The following SLC49A4 variants were observed in gnomAD, a reference collection of about 807,000 sequenced individuals.
SLC49A4 encodes disrupted in renal cancer protein 2.
Under a neutral mutation model 50.6 loss-of-function variants are expected in SLC49A4, and 36 were observed. The ratio of observed to expected loss-of-function variants is 0.71; its 90% confidence interval spans 0.55 to 0.94. SLC49A4 has a LOEUF of 0.94. SLC49A4 is among the 40% of genes least tolerant of loss of function. The pLI, the probability that SLC49A4 is intolerant of heterozygous loss-of-function variation, is 0.00. For synonymous variants in SLC49A4, 248 were observed against 241.2 expected, an observed-to-expected ratio of 1.03 and a Z score of -0.26; for missense variants, 503 against 605.7, an observed-to-expected ratio of 0.83 and a Z score of 1.78.
chr3:122,875,394 A>C (rs762326386), intron 8 of SLC49A4, among the ~76,000 whole-genome samples: 1 of 152,170 alleles, frequency 6.6e-6, no homozygotes, highest in Non-Finnish European at 1.5e-5. Flanking sequence ...TCTGTCACCC[A>C]GTCTGGAGTA....
intron 2 of SLC49A4, among the ~76,000 whole-genome samples, chr3:122,809,961 A>G (rs1936276691): frequency 1.3e-5 from 2 of 152,216 alleles, no homozygotes; most frequent in Admixed American, 6.5e-5. Context: ...TGAAAATGCT[A>G]CAATTGGAAC....
rs1440379082 is a variant in SLC49A4, at chr3:122,845,850, A to G, written c.921A>G (p.Leu307=). The change falls in exon 5 of 9, where the codon TTA becomes TTG. Residue 307 remains leucine, a synonymous_variant. Coordinates refer to ENST00000261038, the MANE Select transcript of SLC49A4 (RefSeq NM_032839.3). ...GGTCTGGAGTTCTGGACTTAATTTT[A>G]ACACCAGCGCATGTCAGCCAAGTAA... The part of the protein sequence containing the change: ...AGWSGVLDLI[L]TPAHVSQVDA... The G allele has an allele frequency of 1.2e-6, 2 of 1,611,618 alleles. No homozygotes were observed. The highest frequency in any genetic ancestry group is 3.3e-5 in the Admixed American group (2 of 59,796).
intron 7 of SLC49A4, among the ~76,000 whole-genome samples, chr3:122,861,100 C>T (rs1937053917): frequency 6.6e-6 from 1 of 152,096 alleles, no homozygotes; most frequent in South Asian, 2.1e-4. Context: ...CTTCCTCTTC[C>T]ACTTTTAAGG....
chr3:122,810,414 G>A (rs1032976077), intron 2 of SLC49A4, among the ~76,000 whole-genome samples: 3 of 152,000 alleles, frequency 2.0e-5, no homozygotes, highest in African/African-American at 4.8e-5. Flanking sequence ...AATTGTAAAA[G>A]CCATCACTCT....
chr3:122,836,851 C>T (rs957973109), intron 4 of SLC49A4, among the ~76,000 whole-genome samples: 4 of 152,148 alleles, frequency 2.6e-5, no homozygotes, highest in African/African-American at 4.8e-5. Context: ...AGCTGATAAG[C>T]GACTTCAGCA....
chr3:122,819,243 CAAAA>C (rs777101254), intron 2 of SLC49A4, among the ~76,000 whole-genome samples: 4 of 100,584 alleles, frequency 4.0e-5, no homozygotes, highest in Admixed American at 1.1e-4. Flanking sequence ...GACCCTGCCT[CAAAA>C]AAAAAAAAAA....
chr3:122,861,793 A>T (rs1937059874), intron 7 of SLC49A4, among the ~76,000 whole-genome samples: 1 of 152,122 alleles, frequency 6.6e-6, no homozygotes, highest in Non-Finnish European at 1.5e-5. Flanking sequence ...AAAATTAGCA[A>T]CCTCTGCACC....
At chr3:122,832,505 A>G (rs891591560) in intron 3 of SLC49A4, among the ~76,000 whole-genome samples, 6 of 152,234 alleles carry the variant, frequency 3.9e-5, no homozygotes, top group Admixed American at 2.6e-4. Flanking sequence ...TTCTTGTTCA[A>G]ATTTTCCATA....
intron 6 of SLC49A4, among the ~76,000 whole-genome samples, chr3:122,858,340 G>T (rs1489075098): frequency 6.6e-6 from 1 of 152,126 alleles, no homozygotes; most frequent in African/African-American, 2.4e-5. Context: ...CTTATACCTT[G>T]TCATCTCTGT....
Position 122,795,499 on chromosome 3 carries a change from C to T in SLC49A4, c.307C>T (p.Pro103Ser), listed in dbSNP as rs755722102. ...GCTGTGGGGGCCCATCGGCTTCCTG[C>T]CCTGCTTCGCGTTCATGTGGCTCCT... Reference protein sequence around the residue: ...LVLWGPIGFLPCFAFMWLLDK... With the variant: ...LVLWGPIGFLSCFAFMWLLDK... Residue 103 changes from proline to serine, a missense_variant, in exon 1 of 9, where the codon CCC becomes TCC. Transcript: ENST00000261038. 7.5e-6 allele frequency: 12 copies of T among 1,602,694 alleles called. No individual in the cohort carries two copies. In the East Asian group the frequency reaches 2.7e-4, roughly 36 times the overall value.
intron 6 of SLC49A4, among the ~76,000 whole-genome samples, chr3:122,857,284 TAAAAAA>T (rs10694942): frequency 3.7e-5 from 4 of 109,408 alleles, no homozygotes; most frequent in South Asian, 6.6e-4. Flanking sequence ...CCATTCGTTC[TAAAAAA>T]AAAAAAAAAA....
rs755722264 is a variant in SLC49A4 at position 122,860,153 on chromosome 3, G to A, written c.1089G>A (p.Trp363Ter). Residue 363 changes from tryptophan (W) to a stop codon, truncating the protein, a stop_gained, in exon 7 of 9, where the codon TGG becomes TGA. Coordinates refer to ENST00000261038, the MANE Select transcript of SLC49A4 (RefSeq NM_032839.3). LOFTEE classifies it high-confidence loss of function. Reference protein sequence around the residue: ...LFSGATLSSTWFTLTCLNSIT... With the variant: ...LFSGATLSST ...CGGGAGCTACACTGTCATCCACGTGGTTCACCCTGACCTGTTTGAACAGCA... is the reference window on the plus strand; with the variant it reads ...CGGGAGCTACACTGTCATCCACGTGATTCACCCTGACCTGTTTGAACAGCA... 1 of 1,613,218 alleles carries A rather than the reference G, an allele frequency of 6.2e-7. No individual in the cohort carries two copies. Among genetic ancestry groups the A allele is most frequent in the African/African-American group, 1.3e-5 (1 of 74,982 alleles).
rs976423484 is a variant in SLC49A4 at position 122,801,910 on chromosome 3, C to T, written c.344-4947C>T. On this transcript the variant is annotated intron_variant, in intron 1 of 8. Coordinates refer to ENST00000261038, the MANE Select transcript of SLC49A4 (RefSeq NM_032839.3). ...ACAGCAAGGAGCAGTGGGTATTAGTCAGAAAAAATTAGACCAAAGGCTGTT... is the reference window on the plus strand; with the variant it reads ...ACAGCAAGGAGCAGTGGGTATTAGTTAGAAAAAATTAGACCAAAGGCTGTT... Among the ~76,000 whole-genome samples, 2 of 152,002 alleles carry T rather than the reference C, an allele frequency of 1.3e-5. 1 individual carries two copies. The highest frequency in any genetic ancestry group is 3.9e-4 in the East Asian group (2 of 5,176).
intron 7 of SLC49A4, among the ~76,000 whole-genome samples, chr3:122,869,907 T>A (rs1403401431): frequency 6.6e-6 from 1 of 152,176 alleles, no homozygotes; most frequent in Admixed American, 6.5e-5. Flanking sequence ...TTCTGACACA[T>A]CCCATGCCTC....
At chr3:122,859,170 G>C (rs985474980) in intron 6 of SLC49A4, among the ~76,000 whole-genome samples, 9 of 152,186 alleles carry the variant, frequency 5.9e-5, no homozygotes, top group Non-Finnish European at 1.0e-4. Flanking sequence ...GTTGAACTGA[G>C]ACCTGAATGA....
At chr3:122,846,316 C>T (rs760605629) in intron 5 of SLC49A4, among the ~76,000 whole-genome samples, 8 of 152,158 alleles carry the variant, frequency 5.3e-5, no homozygotes, top group Middle Eastern at 3.4e-3. Context: ...CATTCCTTCT[C>T]TTTGCTTCCA....
At chr3:122,874,135 G>A (rs897216127) in intron 8 of SLC49A4, among the ~76,000 whole-genome samples, 1 of 152,166 alleles carries the variant, frequency 6.6e-6, no homozygotes, top group Admixed American at 6.5e-5. Flanking sequence ...ACACATTTTT[G>A]TTGATCAGTT....
At chr3:122,855,047 C>T (rs1332518659) in intron 5 of SLC49A4, among the ~76,000 whole-genome samples, 2 of 151,264 alleles carry the variant, frequency 1.3e-5, no homozygotes, top group East Asian at 1.9e-4. Flanking sequence ...GAGCCGAGAT[C>T]GTGCCACTGC....
Position 122,879,260 on chromosome 3 carries a change from C to T in SLC49A4, c.1322-3C>T. The T allele has an allele frequency of 6.2e-7, 1 of 1,610,398 alleles. No individual in the cohort carries two copies. The highest frequency in any genetic ancestry group is 8.5e-7 in the Non-Finnish European group (1 of 1,176,952). On this transcript the variant is annotated splice_region_variant and splice_polypyrimidine_tract_variant and intron_variant, in intron 8 of 8. Coordinates refer to ENST00000261038, the MANE Select transcript of SLC49A4 (RefSeq NM_032839.3). ...TAAAACTGCATGTTTTTTTGTCTTA[C>T]AGAGTTGTCTTGGTTCAACTGGTGC...
Sources: allele counts gnomAD v4.1 joint callset (sites outside exome capture counted in the v4.1 genomes callset), GRCh38; gene constraint gnomAD v4.1.1; transcripts MANE v1.5; gene names NCBI Gene and HGNC (gene_info 2026-07-23, HGNC 2026-07-21).